Variants in HHIPL1 observed in about 807,000 individuals in gnomAD.
HHIPL1 encodes HHIP like 1.
HHIPL1 carries 43 observed loss-of-function variants against 61.8 expected under a neutral mutation model. That is an observed-to-expected ratio of 0.70 (90% CI 0.55 to 0.90). The LOEUF is 0.90. Among genes scored for constraint, HHIPL1 ranks in the 40% least tolerant of loss-of-function variants. The pLI, the probability that HHIPL1 is intolerant of heterozygous loss-of-function variation, is 0.00. For synonymous variants in HHIPL1, 482 were observed against 515.8 expected, an observed-to-expected ratio of 0.93 and a Z score of 0.89; for missense variants, 1,056 against 1,157.7, an observed-to-expected ratio of 0.91 and a Z score of 1.28.
At chr14:99,654,781 C>A (rs2056000723) in intron 2 of HHIPL1, among the ~76,000 whole-genome samples, 1 of 152,140 alleles carries the variant, frequency 6.6e-6, no homozygotes, top group African/African-American at 2.4e-5. Context: ...AAGGAGGAAA[C>A]ATAATTATCA....
At chr14:99,651,989 T>C (rs2055938411) in intron 1 of HHIPL1, among the ~76,000 whole-genome samples, 1 of 152,156 alleles carries the variant, frequency 6.6e-6, no homozygotes, top group Admixed American at 6.5e-5. Flanking sequence ...GAGTAGCTGC[T>C]GCTGTTGCTG....
chr14:99,624,643 C>A, the HHIPL1 span: 1 of 152,248 alleles, frequency 6.6e-6, no homozygotes, highest in Non-Finnish European at 1.5e-5. Context: ...AAGCAGTTGG[C>A]CTGCCAGTGA....
At chr14:99,618,690 A>G in the HHIPL1 span, among the ~76,000 whole-genome samples, 3 of 152,238 alleles carry the variant, frequency 2.0e-5, no homozygotes, top group Non-Finnish European at 4.4e-5. Flanking sequence ...TCTGGAACTC[A>G]GCTCAGCTGC....
At chr14:99,622,315 C>A in the HHIPL1 span, among the ~76,000 whole-genome samples, 2 of 152,204 alleles carry the variant, frequency 1.3e-5, no homozygotes, top group Admixed American at 6.5e-5. Context: ...GACCCTCTAA[C>A]TCTAGATTGC....
chr14:99,640,562 G>C (rs1301928170), upstream of HHIPL1, among the ~76,000 whole-genome samples: 1 of 152,210 alleles, frequency 6.6e-6, no homozygotes, highest in African/African-American at 2.4e-5. Context: ...TGGAATATCA[G>C]GGGTGAGCCA....
chr14:99,626,267 G>GTGTGTGTGTGTGTGTGT, the HHIPL1 span, among the ~76,000 whole-genome samples: 25 of 147,576 alleles, frequency 1.7e-4, no homozygotes, highest in African/African-American at 5.5e-4. Flanking sequence ...GGTGTAGCGG[G>GTGTGTGTGTGTGTGTGT]GTGTGTGTGT....
At chr14:99,622,658 T>G in the HHIPL1 span, among the ~76,000 whole-genome samples, 1 of 152,206 alleles carries the variant, frequency 6.6e-6, no homozygotes, top group Non-Finnish European at 1.5e-5. Context: ...TCTGCCTACC[T>G]GCTTGGCCAC....
At chr14:99,643,041 C>CT (rs888887385), upstream of HHIPL1, among the ~76,000 whole-genome samples, 15 of 148,778 alleles carry the variant, frequency 1.0e-4, 1 homozygote, top group Admixed American at 3.3e-4. Flanking sequence ...TTCTGACTGA[C>CT]TTTTTTTTTT....
the HHIPL1 span, among the ~76,000 whole-genome samples, chr14:99,627,864 G>C: frequency 6.6e-6 from 1 of 152,086 alleles, no homozygotes; most frequent in Non-Finnish European, 1.5e-5. The surrounding 1 kb of genome is among the most constrained non-coding windows in gnomAD (Gnocchi z 4.4). Context: ...GGACAGAGCA[G>C]AGTCAGTGAG....
At chr14:99,632,663 G>A in the HHIPL1 span, among the ~76,000 whole-genome samples, 4,691 of 152,158 alleles carry the variant, frequency 0.031, 123 homozygotes, top group Middle Eastern at 0.088. Flanking sequence ...AACTCTTCTC[G>A]GACTTGCTCA....
rs2056416925 is a variant in HHIPL1 at position 99,679,125 on chromosome 14, C to G, written c.*3499C>G. On this transcript the variant is annotated 3_prime_UTR_variant, in exon 9 of 9. Transcript: ENST00000330710. The stretch of plus-strand genomic sequence containing the variant: ...TTGAATTTGAGCCCAGGTAGTCCAG[C>G]TCTGGGACCCTGCTGTGGGCCTTCC... 1 of 152,228 alleles carries G rather than the reference C, an allele frequency of 6.6e-6. No homozygotes were observed. The highest frequency in any genetic ancestry group is 2.4e-5 in the African/African-American group (1 of 41,444). 9.4% of individuals were successfully genotyped at this position (152,228 alleles called of 1,614,324 possible).
Position 99,662,688 on chromosome 14 carries a change from C to T in HHIPL1, c.1503-188C>T, listed in dbSNP as rs185493216. Among the ~76,000 whole-genome samples, 8 of 152,294 alleles carry T rather than the reference C, an allele frequency of 5.3e-5. No individual in the cohort carries two copies. The East Asian group carries it at 1.5e-3, about 29-fold the overall frequency. On this transcript the variant is annotated intron_variant, in intron 5 of 8. Coordinates refer to ENST00000330710, the MANE Select transcript of HHIPL1 (RefSeq NM_001127258.3). ...CTGCATGCTCATTCTGCATCGGGCTCTGCGAATTGTGTATGGTCCTTGCAT... is the reference window on the plus strand; with the variant it reads ...CTGCATGCTCATTCTGCATCGGGCTTTGCGAATTGTGTATGGTCCTTGCAT...
the HHIPL1 span, among the ~76,000 whole-genome samples, chr14:99,630,635 G>A: frequency 5.9e-5 from 9 of 152,352 alleles, no homozygotes; most frequent in East Asian, 7.7e-4. Flanking sequence ...GTCCACCGCC[G>A]AAGGCCGCTG....
chr14:99,663,534 A>G (rs1033577897), intron 6 of HHIPL1, among the ~76,000 whole-genome samples: 2 of 152,252 alleles, frequency 1.3e-5, no homozygotes, highest in South Asian at 4.2e-4. Context: ...CTTTACTGCA[A>G]ACTGTTTTAT....
At chr14:99,654,243 G>A (rs981477461) in intron 2 of HHIPL1, among the ~76,000 whole-genome samples, 6 of 151,530 alleles carry the variant, frequency 4.0e-5, no homozygotes, top group Admixed American at 6.6e-5. Flanking sequence ...GGAAGGCAGC[G>A]ACTCTGAGGT....
chr14:99,633,272 C>T, the HHIPL1 span, among the ~76,000 whole-genome samples: 5 of 152,216 alleles, frequency 3.3e-5, no homozygotes, highest in Non-Finnish European at 5.9e-5. Context: ...GGGGAGGGTG[C>T]GCCAACCCCT....
chr14:99,612,669 G>A, the HHIPL1 span, among the ~76,000 whole-genome samples: 30 of 152,254 alleles, frequency 2.0e-4, no homozygotes, highest in African/African-American at 6.5e-4. Flanking sequence ...GAGTGGTGAG[G>A]CCCAGGCCCA....
chr14:99,671,566 C>T (rs1351420074), intron 7 of HHIPL1, among the ~76,000 whole-genome samples: 1 of 152,180 alleles, frequency 6.6e-6, no homozygotes, highest in South Asian at 2.1e-4. Context: ...AAGTCGTGGG[C>T]CCACGTGGGT....
upstream of HHIPL1, among the ~76,000 whole-genome samples, chr14:99,643,041 CT>C (rs888887385): frequency 1.3e-4 from 19 of 148,780 alleles, no homozygotes; most frequent in African/African-American, 3.4e-4. Context: ...TTCTGACTGA[CT>C]TTTTTTTTTC....
Sources: gnomAD v4.1 joint callset for allele counts (sites outside exome capture counted in the v4.1 genomes callset) on GRCh38, gnomAD v4.1.1 for gene constraint, Gnocchi (gnomAD v3.1) non-coding constraint, MANE v1.5 for transcripts, NCBI Gene and HGNC (gene_info 2026-07-23, HGNC 2026-07-21) for gene names.